Variants in ZNF385D observed in about 807,000 individuals in gnomAD.
The protein encoded by ZNF385D is zinc finger protein 659.
In ZNF385D, 15 loss-of-function variants were observed where a neutral mutation model predicts 35.8. The observed-to-expected ratio is 0.42, with a 90% CI of 0.28 to 0.64. ZNF385D has a LOEUF of 0.64. ZNF385D is among the 30% of genes least tolerant of loss of function. The probability of loss-of-function intolerance (pLI) is 0.23; values close to 1 mark genes in which losing one functional copy is unlikely to be tolerated. For synonymous variants in ZNF385D, 212 were observed against 186.8 expected, an observed-to-expected ratio of 1.13 and a Z score of -1.10; for missense variants, 474 against 494.6, an observed-to-expected ratio of 0.96 and a Z score of 0.39.
chr3:22,367,709 A>C (rs558643491), intron 2 of ZNF385D, among the ~76,000 whole-genome samples: 32 of 152,288 alleles, frequency 2.1e-4, no homozygotes, highest in African/African-American at 7.7e-4. Flanking sequence ...AGTTGAGGAT[A>C]GATGGAGACT....
intron 3 of ZNF385D, among the ~76,000 whole-genome samples, chr3:21,765,547 G>A (rs968057720): frequency 2.6e-5 from 4 of 151,978 alleles, no homozygotes; most frequent in African/African-American, 9.7e-5. Context: ...AAGAGATGGA[G>A]AAGGAACGTG....
chr3:21,990,991 T>C (rs1028613475), intron 3 of ZNF385D, among the ~76,000 whole-genome samples: 3 of 152,222 alleles, frequency 2.0e-5, no homozygotes, highest in Admixed American at 2.0e-4. Context: ...AGAATTAGAA[T>C]GGTATATCAA....
At chr3:21,506,111 A>C (rs1706754737) in intron 4 of ZNF385D, among the ~76,000 whole-genome samples, 1 of 152,138 alleles carries the variant, frequency 6.6e-6, no homozygotes, top group African/African-American at 2.4e-5. Flanking sequence ...ATTGCTGACT[A>C]ATATCTGTTT....
chr3:22,154,355 G>C (rs1705447993), intron 3 of ZNF385D, among the ~76,000 whole-genome samples: 1 of 152,214 alleles, frequency 6.6e-6, no homozygotes, highest in East Asian at 1.9e-4. Context: ...CCCATGTCTA[G>C]AAGGTGGGGT....
intron 2 of ZNF385D, among the ~76,000 whole-genome samples, chr3:22,350,771 A>G (rs1195919429): frequency 5.3e-5 from 8 of 152,112 alleles, no homozygotes; most frequent in African/African-American, 1.7e-4. Flanking sequence ...TGAATGTGTA[A>G]AAGACATTCT....
At chr3:22,289,679 G>A (rs898090672) in intron 2 of ZNF385D, among the ~76,000 whole-genome samples, 1 of 152,110 alleles carries the variant, frequency 6.6e-6, no homozygotes. Context: ...TGTAATCAAG[G>A]GAGAATCACA....
intron 4 of ZNF385D, among the ~76,000 whole-genome samples, chr3:21,475,844 C>A (rs1559328396): frequency 1.3e-5 from 2 of 148,998 alleles, no homozygotes; most frequent in African/African-American, 4.9e-5. Flanking sequence ...GAAGGAAAAT[C>A]TTTTTTTTTT....
chr3:22,071,089 G>A (rs1490329883), intron 3 of ZNF385D, among the ~76,000 whole-genome samples: 2 of 152,128 alleles, frequency 1.3e-5, no homozygotes, highest in Non-Finnish European at 2.9e-5. Context: ...TGATATTTAT[G>A]ACATAGCTCA....
intron 2 of ZNF385D, among the ~76,000 whole-genome samples, chr3:22,226,126 CAA>C (rs796451510): frequency 2.1e-5 from 3 of 141,822 alleles, no homozygotes; most frequent in Non-Finnish European, 1.6e-5. Context: ...TGGAACTAAA[CAA>C]AAAAAAAAAG....
intron 2 of ZNF385D, among the ~76,000 whole-genome samples, chr3:21,660,742 G>T (rs989460123): frequency 1.1e-4 from 17 of 152,268 alleles, no homozygotes; most frequent in African/African-American, 3.8e-4. Context: ...CATTTTAAAA[G>T]CCAACTATAC....
chr3:21,485,088 C>A (rs1704934608), intron 4 of ZNF385D, among the ~76,000 whole-genome samples: 1 of 152,114 alleles, frequency 6.6e-6, no homozygotes, highest in African/African-American at 2.4e-5. Context: ...ATAATTAATG[C>A]AGGAGAAATA....
chr3:21,445,214 T>C (rs1278504533), intron 4 of ZNF385D, among the ~76,000 whole-genome samples: 1 of 152,176 alleles, frequency 6.6e-6, no homozygotes, highest in African/African-American at 2.4e-5. Context: ...ATATTCTCTC[T>C]AGACAATGGG....
At chr3:21,729,465 G>A (rs1486423488) in intron 1 of ZNF385D, among the ~76,000 whole-genome samples, 3 of 152,016 alleles carry the variant, frequency 2.0e-5, no homozygotes, top group Non-Finnish European at 4.4e-5. Flanking sequence ...ACAAGCAGTG[G>A]AAGGCAGTGT....
rs1015876373 is a variant in ZNF385D at position 22,264,164 on chromosome 3, A to T, written c.107-95129T>A. Reference sequence around the variant, plus strand: ...ATCCAAACTGTGAGGCATATATAAGATCAATTTGGACTAGGTCTTGGCAGA... The same window carrying T: ...ATCCAAACTGTGAGGCATATATAAGTTCAATTTGGACTAGGTCTTGGCAGA... On this transcript the variant is annotated intron_variant, in intron 2 of 5. Coordinates refer to the ZNF385D transcript ENST00000494108. 9.2e-5 allele frequency among the ~76,000 whole-genome samples: 14 copies of T among 152,034 alleles called. 1 individual carries two copies. The highest frequency in any genetic ancestry group is 7.9e-4 in the Admixed American group (12 of 15,236).
At chr3:21,851,226 T>C (rs903913730) in intron 3 of ZNF385D, among the ~76,000 whole-genome samples, 3 of 152,044 alleles carry the variant, frequency 2.0e-5, no homozygotes, top group Non-Finnish European at 4.4e-5. Context: ...CCTTGATAGC[T>C]GATCAGGCAT....
At chr3:22,258,901 T>G (rs1700461328) in intron 2 of ZNF385D, among the ~76,000 whole-genome samples, 1 of 151,874 alleles carries the variant, frequency 6.6e-6, no homozygotes, top group Admixed American at 6.6e-5. Context: ...ATTGCTGTGC[T>G]TGAAGTTTAT....
chr3:22,359,361 G>A (rs1696309449), intron 2 of ZNF385D, among the ~76,000 whole-genome samples: 1 of 151,736 alleles, frequency 6.6e-6, no homozygotes, highest in South Asian at 2.1e-4. Context: ...AAGAACAGAT[G>A]AGATTTTTAA....
chr3:21,913,492 A>G (rs1700062070), intron 3 of ZNF385D, among the ~76,000 whole-genome samples: 1 of 152,142 alleles, frequency 6.6e-6, no homozygotes, highest in Non-Finnish European at 1.5e-5. Flanking sequence ...TCCAGGTATT[A>G]TGCTCATCCT....
intron 3 of ZNF385D, among the ~76,000 whole-genome samples, chr3:21,553,798 G>GC (rs2062642271): frequency 6.6e-6 from 1 of 152,142 alleles, no homozygotes; most frequent in Admixed American, 6.6e-5. Flanking sequence ...ATCAGCAGTA[G>GC]ATTCCATCTC....
Sources: gnomAD v4.1 joint callset for allele counts (sites outside exome capture counted in the v4.1 genomes callset) on GRCh38, gnomAD v4.1.1 for gene constraint, MANE v1.5 for transcripts, NCBI Gene and HGNC (gene_info 2026-07-23, HGNC 2026-07-21) for gene names.